The following ADGRL2 variants were observed in gnomAD, a reference collection of about 807,000 sequenced individuals.
ADGRL2 encodes adhesion G protein-coupled receptor L2, also known as calcium-independent alpha-latrotoxin receptor 2.
Under a neutral mutation model 157.4 loss-of-function variants are expected in ADGRL2, and 44 were observed. That is an observed-to-expected ratio of 0.28 (90% CI 0.22 to 0.36). The LOEUF (loss-of-function observed/expected upper bound fraction) is 0.36. Ranked by LOEUF, ADGRL2 falls within the 10% of genes least tolerant of loss-of-function variation. The pLI, the probability that ADGRL2 is intolerant of heterozygous loss-of-function variation, is 1.00. For synonymous variants in ADGRL2, 585 were observed against 624.7 expected, an observed-to-expected ratio of 0.94 and a Z score of 0.95; for missense variants, 1,510 against 1,768.9, an observed-to-expected ratio of 0.85 and a Z score of 2.63.
At chr1:81,861,724 A>G (rs2093395447) in intron 2 of ADGRL2, among the ~76,000 whole-genome samples, 1 of 152,078 alleles carries the variant, frequency 6.6e-6, no homozygotes, top group South Asian at 2.1e-4. Context: ...CCCTGTTTTT[A>G]CTAAAAATAC....
intron 1 of ADGRL2, among the ~76,000 whole-genome samples, chr1:81,738,547 C>A (rs1266478680): frequency 6.6e-6 from 1 of 152,164 alleles, no homozygotes; most frequent in Non-Finnish European, 1.5e-5. Flanking sequence ...TTGTCAGGAC[C>A]TTACAGAAAA....
At chr1:81,349,280 A>G (rs1662701130) in intron 1 of ADGRL2, among the ~76,000 whole-genome samples, 1 of 152,162 alleles carries the variant, frequency 6.6e-6, no homozygotes, top group Non-Finnish European at 1.5e-5. Flanking sequence ...TGCTGCACAA[A>G]TGCTAAGTGA....
At chr1:81,333,091 A>G (rs1380737020) in intron 1 of ADGRL2, among the ~76,000 whole-genome samples, 4 of 152,178 alleles carry the variant, frequency 2.6e-5, no homozygotes, top group African/African-American at 4.8e-5. Flanking sequence ...GTGGTTCACC[A>G]TGTTGTAAAG....
At chr1:81,818,019 T>C (rs1571404961) in intron 1 of ADGRL2, among the ~76,000 whole-genome samples, 1 of 151,778 alleles carries the variant, frequency 6.6e-6, no homozygotes, top group African/African-American at 2.4e-5. Context: ...AAAAAATAAA[T>C]AAATAAATAG....
intron 3 of ADGRL2, among the ~76,000 whole-genome samples, chr1:81,664,182 T>C (rs750669732): frequency 1.3e-5 from 2 of 152,188 alleles, no homozygotes; most frequent in Non-Finnish European, 2.9e-5. Flanking sequence ...GCTTTATAAC[T>C]AGTTCTCAAA....
intron 1 of ADGRL2, among the ~76,000 whole-genome samples, chr1:81,417,090 A>T (rs1329186846): frequency 1.3e-5 from 2 of 152,144 alleles, no homozygotes; most frequent in East Asian, 3.8e-4. Flanking sequence ...ATCTTCCTTT[A>T]CTTTATTATT....
intron 3 of ADGRL2, among the ~76,000 whole-genome samples, chr1:81,609,831 A>G (rs902816768): frequency 4.6e-5 from 7 of 152,238 alleles, no homozygotes; most frequent in African/African-American, 1.7e-4. Flanking sequence ...TATCTTGTTC[A>G]TGTCTGGTTG....
intron 3 of ADGRL2, among the ~76,000 whole-genome samples, chr1:81,920,002 A>G (rs1312294136): frequency 1.3e-5 from 2 of 152,204 alleles, no homozygotes; most frequent in South Asian, 4.1e-4. Flanking sequence ...ATCAAAGAGA[A>G]GTTATGCTTG....
intron 2 of ADGRL2, among the ~76,000 whole-genome samples, chr1:81,860,358 G>A (rs1438516645): frequency 1.3e-5 from 2 of 151,972 alleles, no homozygotes; most frequent in African/African-American, 4.8e-5. Flanking sequence ...TCCTATTTTT[G>A]TAGAGACAGG....
At chr1:81,420,782 C>A (rs896576460) in intron 1 of ADGRL2, among the ~76,000 whole-genome samples, 1 of 152,074 alleles carries the variant, frequency 6.6e-6, no homozygotes, top group South Asian at 2.1e-4. Flanking sequence ...CCTAGGTCGT[C>A]GGTGGGAAGT....
chr1:81,865,811 A>ATC (rs1233034859), intron 2 of ADGRL2, among the ~76,000 whole-genome samples: 43 of 152,224 alleles, frequency 2.8e-4, no homozygotes, highest in Admixed American at 1.3e-4. Context: ...AATGTTCTGC[A>ATC]TAATTGTGAC....
chr1:81,400,154 G>A (rs367846942), intron 1 of ADGRL2, among the ~76,000 whole-genome samples: 2 of 151,952 alleles, frequency 1.3e-5, no homozygotes, highest in Non-Finnish European at 2.9e-5. Flanking sequence ...GCTTTGGGGG[G>A]GTCCTTCTGT....
chr1:81,384,286 A>G (rs2076397008), intron 1 of ADGRL2, among the ~76,000 whole-genome samples: 1 of 152,344 alleles, frequency 6.6e-6, no homozygotes, highest in East Asian at 1.9e-4. Context: ...GTATGTTTTT[A>G]GGTAATTAAA....
intron 3 of ADGRL2, among the ~76,000 whole-genome samples, chr1:81,658,102 T>G (rs2082573875): frequency 6.6e-6 from 1 of 152,148 alleles, no homozygotes; most frequent in South Asian, 2.1e-4. Flanking sequence ...AACATTATCT[T>G]TTTTGCGGGG....
At chr1:81,939,841 A>G (rs1015596299) in intron 4 of ADGRL2, among the ~76,000 whole-genome samples, 1 of 151,408 alleles carries the variant, frequency 6.6e-6, no homozygotes, top group African/African-American at 2.4e-5. Context: ...ATTTTCATAA[A>G]TATAATAACG....
intron 2 of ADGRL2, among the ~76,000 whole-genome samples, chr1:81,532,458 C>T (rs1393870842): frequency 2.6e-5 from 4 of 151,952 alleles, no homozygotes; most frequent in East Asian, 1.9e-4. Context: ...TGAATATAAA[C>T]GTAAGCACTA....
chr1:81,533,788 C>T (rs2079663739), intron 2 of ADGRL2, among the ~76,000 whole-genome samples: 1 of 152,144 alleles, frequency 6.6e-6, no homozygotes, highest in Non-Finnish European at 1.5e-5. Context: ...CAGCTCCCTC[C>T]TCCCACCCAC....
chr1:81,445,747 C>A (rs1337151090), intron 2 of ADGRL2, among the ~76,000 whole-genome samples: 1 of 152,162 alleles, frequency 6.6e-6, no homozygotes, highest in Admixed American at 6.5e-5. Context: ...CACCTAAATT[C>A]AAAGTGTGAT....
intron 1 of ADGRL2, among the ~76,000 whole-genome samples, chr1:81,710,187 A>G (rs1015574002): frequency 1.3e-5 from 2 of 152,194 alleles, no homozygotes; most frequent in Admixed American, 6.5e-5. Context: ...TCACTCATCC[A>G]TCTGTTAAAT....
Sources: allele counts gnomAD v4.1 joint callset (sites outside exome capture counted in the v4.1 genomes callset), GRCh38; gene constraint gnomAD v4.1.1; transcripts MANE v1.5; gene names NCBI Gene and HGNC (gene_info 2026-07-23, HGNC 2026-07-21).